The following ZNF761 variants were observed in gnomAD, a reference collection of about 807,000 sequenced individuals.
The protein encoded by ZNF761 is zinc finger protein 761.
In ZNF761, 43 loss-of-function variants were observed where a neutral mutation model predicts 59.9. The ratio of observed to expected loss-of-function variants is 0.72; its 90% CI spans 0.56 to 0.92. ZNF761 has a LOEUF of 0.92. Ranked by LOEUF, ZNF761 falls within the 40% of genes least tolerant of loss-of-function variation. The probability of loss-of-function intolerance (pLI) is 0.00; values close to 1 mark genes in which losing one functional copy is unlikely to be tolerated. For synonymous variants in ZNF761, 294 were observed against 304.8 expected, an observed-to-expected ratio of 0.96 and a Z score of 0.37; for missense variants, 850 against 906.1, an observed-to-expected ratio of 0.94 and a Z score of 0.79.
At chr19:53,433,138 T>C (rs1397473698) in intron 1 of ZNF761, among the ~76,000 whole-genome samples, 1 of 151,870 alleles carries the variant, frequency 6.6e-6, no homozygotes, top group African/African-American at 2.4e-5. Context: ...CAGACTGATA[T>C]GGGGGAGACA....
chr19:53,455,755 C>T lies in ZNF761; in HGVS notation c.1248C>T (p.Asp416=). 2 of 1,613,948 alleles carry T rather than the reference C, an allele frequency of 1.2e-6. No individual in the cohort carries two copies. Among genetic ancestry groups the T allele is most frequent in the Non-Finnish European group, 1.7e-6 (2 of 1,179,998 alleles). The change falls in exon 5 of 5, where the codon GAC becomes GAT. Residue 416 remains aspartate, a synonymous_variant. Transcript: ENST00000684525. The part of the protein sequence containing the change: ...GEKPYKCEEC[D]KAYSFRSNFE... ...AACCTTACAAATGTGAAGAATGTGA[C>T]AAAGCTTACAGTTTCAGATCAAATT... is the stretch of plus-strand genomic sequence containing the variant.
At chr19:53,439,869 C>T (rs1313764256) in intron 1 of ZNF761, among the ~76,000 whole-genome samples, 1 of 152,144 alleles carries the variant, frequency 6.6e-6, no homozygotes, top group Non-Finnish European at 1.5e-5. Context: ...ACTGATGAAC[C>T]CGAACAGGAG....
intron 3 of ZNF761, among the ~76,000 whole-genome samples, chr19:53,448,547 T>A (rs2086185290): frequency 1.3e-5 from 2 of 152,244 alleles, no homozygotes; most frequent in African/African-American, 4.8e-5. Context: ...ACTTATGAGA[T>A]GATATCGTTA....
Position 53,455,014 on chromosome 19 carries a change from C to T in ZNF761, c.507C>T (p.His169=), listed in dbSNP as rs200560314. The T allele has an allele frequency of 1.1e-5, 17 of 1,614,010 alleles. No homozygotes were observed. In the African/African-American group the frequency reaches 1.2e-4, roughly 11 times the overall value. Residue 169 remains histidine (H), a synonymous_variant, in exon 5 of 5, where the codon CAC becomes CAT. Transcript: ENST00000684525. ...ATAATCAAGTTGTGAAGTCTGTCCA[C>T]GATGCTTCCTTGGTTTCAACAGCCC... The part of the protein sequence containing the change: ...KIDNQVVKSV[H]DASLVSTAQR...
At chr19:53,444,347 G>A (rs911437977) in intron 1 of ZNF761, 6 of 152,182 alleles carry the variant, frequency 3.9e-5, no homozygotes, top group African/African-American at 1.4e-4. Flanking sequence ...GGAGAAAACC[G>A]CCTTATGGCT....
intron 3 of ZNF761, among the ~76,000 whole-genome samples, chr19:53,448,195 G>GATA (rs2086181476): frequency 6.6e-6 from 1 of 152,120 alleles, no homozygotes; most frequent in Non-Finnish European, 1.5e-5. Context: ...TTAGCGACGG[G>GATA]TATCACCATG....
At chr19:53,433,949 T>A (rs1408013438) in intron 1 of ZNF761, among the ~76,000 whole-genome samples, 1 of 152,192 alleles carries the variant, frequency 6.6e-6, no homozygotes, top group African/African-American at 2.4e-5. Context: ...TTGTCATTGA[T>A]TTCTAGGCAG....
Position 53,457,722 on chromosome 19 carries a change from T to G in ZNF761, c.*974T>G, listed in dbSNP as rs2086284402. 5.4e-6 allele frequency: 1 copy of G among 186,642 alleles called. No homozygotes were observed. Among genetic ancestry groups the G allele is most frequent in the Non-Finnish European group, 1.2e-5 (1 of 83,952 alleles). 11.6% of individuals were successfully genotyped at this position (186,642 alleles called of 1,614,324 possible). A position where few individuals can be genotyped will look rare whatever the true frequency, so the allele number is the denominator to read the frequency against. On this transcript the variant is annotated 3_prime_UTR_variant, in exon 5 of 5. Coordinates refer to ENST00000684525, the MANE Select transcript of ZNF761 (RefSeq NM_001289951.2). ...GAGGATTGGGCCAGGCACATCAGCT[T>G]ACACCTGTAATCTGAGCGCTTTGGG...
chr19:53,432,979 GAGA>G (rs944545907), intron 1 of ZNF761, among the ~76,000 whole-genome samples: 10 of 151,428 alleles, frequency 6.6e-5, no homozygotes, highest in African/African-American at 2.4e-4. Flanking sequence ...TGGTGGCAAG[GAGA>G]ACAGAGGGAG....
intron 2 of ZNF761, 21 bp from the exon 3 acceptor site, chr19:53,447,172 AAAC>A (rs2086169346): frequency 1.3e-6 from 2 of 1,500,856 alleles, no homozygotes; most frequent in African/African-American, 2.8e-5. Flanking sequence ...TCTGAGCAAT[AAAC>A]AACATATTTC....
intron 1 of ZNF761, among the ~76,000 whole-genome samples, chr19:53,434,774 C>A (rs918651591): frequency 2.6e-5 from 4 of 152,172 alleles, no homozygotes; most frequent in African/African-American, 7.2e-5. Context: ...TCTTTTGCTT[C>A]TTAAGGCCAT....
At chr19:53,440,966 A>G (rs1043123285) in intron 1 of ZNF761, among the ~76,000 whole-genome samples, 1 of 152,164 alleles carries the variant, frequency 6.6e-6, no homozygotes, top group Non-Finnish European at 1.5e-5. Flanking sequence ...ATAAGCCACC[A>G]CACCTGGTCT....
chr19:53,456,258 A>G lies in ZNF761; in HGVS notation c.1751A>G (p.Asp584Gly). 1 of 1,613,992 alleles carries G rather than the reference A, an allele frequency of 6.2e-7. No homozygotes were observed. The highest frequency in any genetic ancestry group is 8.5e-7 in the Non-Finnish European group (1 of 1,179,976). ...GENPYKCEDS[D>G]KAYSFKSNLE... is the part of the protein sequence containing the mutation. Reference sequence around the variant, plus strand: ...AACCCTTACAAATGTGAAGATAGTGACAAAGCTTACAGTTTCAAATCAAAC... The same window carrying G: ...AACCCTTACAAATGTGAAGATAGTGGCAAAGCTTACAGTTTCAAATCAAAC... The change falls in exon 5 of 5, where the codon GAC (aspartate) becomes GGC (glycine). Residue 584 changes from aspartate (D) to glycine (G), a missense_variant. By Grantham distance (94) the Asp-to-Gly change is moderately conservative. Transcript: ENST00000684525.
At chr19:53,452,407 T>C (rs2708746) in intron 4 of ZNF761, among the ~76,000 whole-genome samples, 67,852 of 151,782 alleles carry the variant, frequency 0.45, 15,436 homozygotes, top group Admixed American at 0.55. Flanking sequence ...CACTTGAACC[T>C]GGGAGGTGGA....
chr19:53,443,172 T>TA (rs2086118213), intron 1 of ZNF761: 1 of 163,664 alleles, frequency 6.1e-6, no homozygotes, highest in Admixed American at 6.3e-5. Context: ...AGTGACCTTT[T>TA]ACCTTAACAT....
At chr19:53,435,624 G>C (rs987688767) in intron 1 of ZNF761, among the ~76,000 whole-genome samples, 1 of 151,998 alleles carries the variant, frequency 6.6e-6, no homozygotes, top group Non-Finnish European at 1.5e-5. Flanking sequence ...AAGTTCTTAA[G>C]TGAGTCCTTG....
chr19:53,451,989 C>T (rs1243189917), intron 4 of ZNF761, among the ~76,000 whole-genome samples: 2 of 152,158 alleles, frequency 1.3e-5, no homozygotes, highest in Non-Finnish European at 2.9e-5. Flanking sequence ...TCAGATTTTT[C>T]AGCCCTCGGT....
At chr19:53,448,162 C>A (rs1037511302) in intron 3 of ZNF761, among the ~76,000 whole-genome samples, 2 of 152,094 alleles carry the variant, frequency 1.3e-5, no homozygotes, top group African/African-American at 4.8e-5. Flanking sequence ...TCACCACGCC[C>A]AGCTAATTTT....
At chr19:53,454,302 A>G (rs768740754) in intron 4 of ZNF761, among the ~76,000 whole-genome samples, 3 of 152,230 alleles carry the variant, frequency 2.0e-5, no homozygotes, top group African/African-American at 4.8e-5. Context: ...TATGCTGTAA[A>G]TATGAAGAAT....
Sources: allele counts gnomAD v4.1 joint callset (sites outside exome capture counted in the v4.1 genomes callset), GRCh38; gene constraint gnomAD v4.1.1; transcripts MANE v1.5; gene names NCBI Gene and HGNC (gene_info 2026-07-23, HGNC 2026-07-21).